The following COL9A1 variants were observed in gnomAD, a reference collection of about 807,000 sequenced individuals.
COL9A1 encodes the protein collagen alpha-1(IX) chain.
In COL9A1, 104 loss-of-function variants were observed where a neutral mutation model predicts 142.6. That is an observed-to-expected ratio of 0.73 (90% CI 0.62 to 0.86). The LOEUF is 0.86. Among genes scored for constraint, COL9A1 ranks in the 40% least tolerant of loss-of-function variants. The pLI is 0.00. For missense variants in COL9A1, 1,210 were observed against 1,176.6 expected, an observed-to-expected ratio of 1.03 and a Z score of -0.42; for synonymous variants, 466 against 396.0, an observed-to-expected ratio of 1.18 and a Z score of -2.10.
In COL9A1 at chr6:70,216,784, C is replaced by A; in HGVS notation, c.*113G>T. The A allele has an allele frequency of 9.4e-7, 1 of 1,058,762 alleles. No homozygotes were observed. Among genetic ancestry groups the A allele is most frequent in the Non-Finnish European group, 1.4e-6 (1 of 695,446 alleles). The allele number at this position is 1,058,762 out of a possible 1,614,324, so 65.6% of individuals were successfully genotyped here. Reference sequence around the variant, plus strand: ...TTCTGTAATCATACTGAAGGTAATACATTGTAATCATGCTGAAGGTAATCA... The same window carrying A: ...TTCTGTAATCATACTGAAGGTAATAAATTGTAATCATGCTGAAGGTAATCA... On this transcript the variant is annotated 3_prime_UTR_variant, in exon 38 of 38. Transcript: ENST00000357250.
At chr6:70,253,521 G>T in intron 25 of COL9A1, 92 bp from the exon 26 acceptor site, 1 of 899,250 alleles carries the variant, frequency 1.1e-6, no homozygotes, top group Non-Finnish European at 1.8e-6. Context: ...GAGGCTGAGG[G>T]AATCATGATA....
chr6:70,298,896 G>C (rs1393312517), intron 4 of COL9A1, among the ~76,000 whole-genome samples: 1 of 152,124 alleles, frequency 6.6e-6, no homozygotes, highest in East Asian at 1.9e-4. Flanking sequence ...AGTCAGTATG[G>C]AGTAGTGGTT....
At chr6:70,253,034 T>C (rs2127575184) in intron 26 of COL9A1, among the ~76,000 whole-genome samples, 1 of 152,298 alleles carries the variant, frequency 6.6e-6, no homozygotes, top group African/African-American at 2.4e-5. Flanking sequence ...AAATGCCTAA[T>C]ATCTTTTTAG....
intron 28 of COL9A1, among the ~76,000 whole-genome samples, chr6:70,243,466 T>C (rs907990825): frequency 6.6e-6 from 1 of 152,222 alleles, no homozygotes; most frequent in Non-Finnish European, 1.5e-5. Flanking sequence ...ACATGAACTT[T>C]TCAACTTTTT....
At chr6:70,279,759 T>C in intron 10 of COL9A1, 1 of 409,250 alleles carries the variant, frequency 2.4e-6, no homozygotes, top group Non-Finnish European at 4.4e-6. Context: ...AAGCACACCT[T>C]AATAACAGTA....
At position 70,217,033 on chromosome 6, in the gene COL9A1, C is replaced by T. The variant is rs1408064118; in HGVS notation, c.2630G>A (p.Arg877Gln). The T allele has an allele frequency of 1.9e-6, 3 of 1,614,150 alleles. No homozygotes were observed. The highest frequency in any genetic ancestry group is 2.5e-6 in the Non-Finnish European group (3 of 1,180,022). ...SYGRNGRDGE[R>Q]GPPGVAGIPG... The stretch of plus-strand genomic sequence containing the variant: ...AATTCCTGCCACCCCTGGGGGGCCT[C>T]GCTCACCGTCTCGGCCATTTCTGCC... The change falls in exon 38 of 38, where the codon CGA becomes CAA. Residue 877 changes from arginine to glutamine, a missense_variant. Physicochemically the swap from Arg to Gln is conservative, Grantham distance 43. Transcript: ENST00000357250.
At chr6:70,218,002 G>A (rs1768634671) in intron 37 of COL9A1, among the ~76,000 whole-genome samples, 1 of 152,140 alleles carries the variant, frequency 6.6e-6, no homozygotes, top group South Asian at 2.1e-4. Context: ...AATTAGCCAG[G>A]TATGGTGGTG....
At position 70,218,086 on chromosome 6, in the gene COL9A1, T is replaced by C. The variant is rs142404885; in HGVS notation, c.2582-1005A>G. On this transcript the variant is annotated intron_variant, in intron 37 of 37. Transcript: ENST00000357250. ...TGCACCCGGGAGGCAGAGGTTGCAG[T>C]GAGCCGAGATCGCGCCACTGCACTC... Among the ~76,000 whole-genome samples the C allele has an allele frequency of 6.8e-3, 1,033 of 152,274 alleles. 19 individuals carry two copies. Among genetic ancestry groups the C allele is most frequent in the African/African-American group, 0.024 (982 of 41,572 alleles).
chr6:70,217,694 G>A (rs543603395), intron 37 of COL9A1, among the ~76,000 whole-genome samples: 6 of 152,128 alleles, frequency 3.9e-5, no homozygotes, highest in East Asian at 3.9e-4. Flanking sequence ...AGCAACATCC[G>A]GGCAGGGAGA....
intron 11 of COL9A1, among the ~76,000 whole-genome samples, chr6:70,274,385 C>T (rs1352730284): frequency 6.6e-6 from 1 of 152,046 alleles, no homozygotes; most frequent in African/African-American, 2.4e-5. Flanking sequence ...CTGACAGGCC[C>T]CTGTGTGTGT....
chr6:70,294,338 CAAG>C lies in COL9A1; in HGVS notation c.522_524del (p.Leu175del), dbSNP rs1461273198. On this transcript the variant is annotated inframe_deletion, in exon 5 of 38. Coordinates refer to ENST00000357250, the MANE Select transcript of COL9A1 (RefSeq NM_001851.6). ...TGATCTTATGCCACTGGGAATCAAACAAGGAGGACAAATTCGAAAAGGCTGCTG... is the reference window on the plus strand; with the variant it reads ...TGATCTTATGCCACTGGGAATCAAACGAGGACAAATTCGAAAAGGCTGCTG... 1.9e-6 allele frequency: 3 copies of C among 1,613,930 alleles called. No homozygotes were observed. The highest frequency in any genetic ancestry group is 2.5e-6 in the Non-Finnish European group (3 of 1,179,970).
In COL9A1 at chr6:70,274,707, T is replaced by A; in HGVS notation, c.1029+12A>T. On this transcript the variant is annotated intron_variant, in intron 11 of 37. Coordinates refer to ENST00000357250, the MANE Select transcript of COL9A1 (RefSeq NM_001851.6). ...TTTCGTACTAGCAATTAATGCCAGA[T>A]GGCTAACTTACTTTTTGTCCCTTTG... The A allele has an allele frequency of 6.2e-7, 1 of 1,608,086 alleles. No homozygotes were observed. Among genetic ancestry groups the A allele is most frequent in the Admixed American group, 1.7e-5 (1 of 59,980 alleles).
intron 17 of COL9A1, among the ~76,000 whole-genome samples, chr6:70,268,563 C>A (rs1583297832): frequency 6.6e-6 from 1 of 152,272 alleles, no homozygotes; most frequent in South Asian, 2.1e-4. Flanking sequence ...GTCTCTCAAT[C>A]CAATGTATTT....
At position 70,268,789 on chromosome 6, in the gene COL9A1, A is replaced by G. The variant is rs1181914809; in HGVS notation, c.1287+15T>C. Reference sequence around the variant, plus strand: ...GTGGATAATACTCTTAAAATACTGGAAGTTATTCTCTTACCCTCATGCCTG... The same window carrying G: ...GTGGATAATACTCTTAAAATACTGGGAGTTATTCTCTTACCCTCATGCCTG... On this transcript the variant is annotated intron_variant, in intron 17 of 37. Transcript: ENST00000357250. 10 of 1,611,192 alleles carry G rather than the reference A, an allele frequency of 6.2e-6. No homozygotes were observed. The East Asian group carries it at 2.0e-4, about 32-fold the overall frequency.
intron 37 of COL9A1, among the ~76,000 whole-genome samples, chr6:70,219,712 G>A (rs561697786): frequency 7.9e-5 from 12 of 152,314 alleles, no homozygotes; most frequent in South Asian, 4.1e-4. Flanking sequence ...AGCTGTCATC[G>A]GGGAATACAG....
intron 5 of COL9A1, among the ~76,000 whole-genome samples, chr6:70,284,750 G>A (rs1773379509): frequency 6.6e-6 from 1 of 152,166 alleles, no homozygotes; most frequent in African/African-American, 2.4e-5. Flanking sequence ...TTTCAAATTG[G>A]ATCCATATTT....
At chr6:70,239,749 A>G (rs1200580) in intron 32 of COL9A1, among the ~76,000 whole-genome samples, 77,716 of 152,022 alleles carry the variant, frequency 0.51, 20,297 homozygotes, top group African/African-American at 0.57. Flanking sequence ...AAAAATAAAC[A>G]TTGAAAATTT....
chr6:70,280,493 T>A, intron 10 of COL9A1: 1 of 1,326,248 alleles, frequency 7.5e-7, no homozygotes, highest in Non-Finnish European at 9.7e-7. Flanking sequence ...CCGTACCCCC[T>A]CTGGCCCCAG....
chr6:70,260,976 G>A (rs1429937347), intron 19 of COL9A1: 2 of 379,750 alleles, frequency 5.3e-6, no homozygotes, highest in Non-Finnish European at 9.5e-6. Flanking sequence ...GTAAATACCA[G>A]CATAAGAGAA....
Sources: gnomAD v4.1 joint callset for allele counts (sites outside exome capture counted in the v4.1 genomes callset) on GRCh38, gnomAD v4.1.1 for gene constraint, MANE v1.5 for transcripts, NCBI Gene and HGNC (gene_info 2026-07-23, HGNC 2026-07-21) for gene names.